Variants in GDA observed in about 807,000 individuals in gnomAD.
GDA encodes the protein cytoplasmic PSD-95 interactor.
GDA carries 18 observed loss-of-function variants against 59.6 expected under a neutral mutation model. That is an observed-to-expected ratio of 0.30 (90% CI 0.21 to 0.45). GDA has a LOEUF of 0.45. Ranked by LOEUF, GDA falls within the 20% of genes least tolerant of loss-of-function variation. The probability of loss-of-function intolerance (pLI) is 1.00; values close to 1 mark genes in which losing one functional copy is unlikely to be tolerated. For missense variants in GDA, 427 were observed against 552.3 expected (o/e 0.77, Z 2.27); for synonymous variants, 201 against 201.1 (o/e 1.00, Z 0.00).
intron 1 of GDA, among the ~76,000 whole-genome samples, chr9:72,126,231 T>C (rs1221737656): frequency 6.6e-6 from 1 of 152,160 alleles, no homozygotes. Context: ...GCAGACCCCT[T>C]GGAGTATTCT....
intron 13 of GDA, 128 bp from the exon 14 acceptor site, chr9:72,248,144 T>C: frequency 2.8e-6 from 2 of 704,206 alleles, no homozygotes; most frequent in East Asian, 2.5e-5. Context: ...AATCTGAGGG[T>C]TGGGGGAAAG....
intron 1 of GDA, among the ~76,000 whole-genome samples, chr9:72,176,091 A>G (rs944240867): frequency 6.6e-6 from 1 of 152,220 alleles, no homozygotes; most frequent in African/African-American, 2.4e-5. Context: ...AAGAGGTCCC[A>G]GGCAAGATGT....
intron 1 of GDA, among the ~76,000 whole-genome samples, chr9:72,187,210 C>A (rs564141208): frequency 6.6e-6 from 1 of 152,132 alleles, no homozygotes; most frequent in African/African-American, 2.4e-5. Context: ...GAATGTTTGT[C>A]CTCTCAGAAA....
At chr9:72,152,976 A>G (rs1468373975) in intron 1 of GDA, among the ~76,000 whole-genome samples, 1 of 152,190 alleles carries the variant, frequency 6.6e-6, no homozygotes, top group Non-Finnish European at 1.5e-5. Context: ...CATAAGGTGT[A>G]AGGAAGGGAT....
At chr9:72,116,022 T>A (rs1258637730) in intron 1 of GDA, among the ~76,000 whole-genome samples, 5 of 151,990 alleles carry the variant, frequency 3.3e-5, no homozygotes, top group Admixed American at 3.3e-4. Flanking sequence ...TCACCTGAGG[T>A]TGGGAGTTCG....
intron 3 of GDA, among the ~76,000 whole-genome samples, chr9:72,205,594 C>T (rs985701630): frequency 6.6e-6 from 1 of 152,194 alleles, no homozygotes; most frequent in African/African-American, 2.4e-5. Context: ...GGTATAGCAA[C>T]AGCTTGATTG....
At chr9:72,158,490 G>A (rs2130811645) in intron 1 of GDA, among the ~76,000 whole-genome samples, 1 of 152,104 alleles carries the variant, frequency 6.6e-6, no homozygotes, top group Admixed American at 6.5e-5. Context: ...CTACTCGGGA[G>A]GCTGAGGCAG....
Position 72,210,547 on chromosome 9 carries a change from T to C in GDA, c.385-140T>C, listed in dbSNP as rs979176933. ...ATATAAATACCTTTTGCCATTTACC[T>C]AACTGTACTCTACATCAAGATGGCA... is the stretch of plus-strand genomic sequence containing the variant. On this transcript the variant is annotated intron_variant, in intron 3 of 13. Transcript: ENST00000358399. 4 of 594,854 alleles carry C rather than the reference T, an allele frequency of 6.7e-6. No individual in the cohort carries two copies. The African/African-American group carries it at 7.5e-5, about 11-fold the overall frequency. The allele number at this position is 594,854 out of a possible 1,614,324, so 36.8% of individuals were successfully genotyped here. A position where few individuals can be genotyped will look rare whatever the true frequency, so the allele number is the denominator to read the frequency against.
chr9:72,214,721 CT>C (rs746360588), intron 5 of GDA: 15,303 of 278,392 alleles, frequency 0.055, no homozygotes, highest in South Asian at 0.1. Flanking sequence ...ATTCAAAGTT[CT>C]TTTTTTTTTT....
At chr9:72,185,062 G>A (rs376748307) in intron 1 of GDA, among the ~76,000 whole-genome samples, 191 of 152,300 alleles carry the variant, frequency 1.3e-3, no homozygotes, top group African/African-American at 4.4e-3. Context: ...TTCAGTTCCT[G>A]TAAATAAACT....
intron 2 of GDA, among the ~76,000 whole-genome samples, chr9:72,197,950 G>A (rs958269965): frequency 1.7e-4 from 26 of 152,262 alleles, no homozygotes; most frequent in Middle Eastern, 3.4e-3. Flanking sequence ...GAATCAGATG[G>A]TGGCCATGGA....
intron 1 of GDA, among the ~76,000 whole-genome samples, chr9:72,183,921 G>T (rs11143155): frequency 0.14 from 21,364 of 152,014 alleles, 2,029 homozygotes; most frequent in East Asian, 0.5. Context: ...TAAAGTTACC[G>T]TTTTTCCTTC....
At chr9:72,221,238 C>A (rs775795901) in intron 6 of GDA, among the ~76,000 whole-genome samples, 15 of 152,178 alleles carry the variant, frequency 9.9e-5, no homozygotes, top group Non-Finnish European at 1.6e-4. Flanking sequence ...TATCACCTCA[C>A]TTTTAGTCTC....
At chr9:72,116,950 A>G (rs1342781438) in intron 1 of GDA, among the ~76,000 whole-genome samples, 2 of 101,968 alleles carry the variant, frequency 2.0e-5, no homozygotes, top group Admixed American at 2.4e-4. Flanking sequence ...GACAGGCCCC[A>G]GTGTGTGATG....
chr9:72,240,042 A>G (rs1191871444), intron 10 of GDA, among the ~76,000 whole-genome samples: 1 of 152,184 alleles, frequency 6.6e-6, no homozygotes, highest in Non-Finnish European at 1.5e-5. Flanking sequence ...TTAATAAAAC[A>G]TACTAACTTA....
rs774026544 is a variant in GDA, at chr9:72,214,007, G to C, written c.578+16G>C. 1 of 1,296,710 alleles carries C rather than the reference G, an allele frequency of 7.7e-7. No individual in the cohort carries two copies. Among genetic ancestry groups the C allele is most frequent in the African/African-American group, 1.5e-5 (1 of 68,892 alleles). The allele number at this position is 1,296,710 out of a possible 1,614,324, so 80.3% of individuals were successfully genotyped here. ...AAACTGAGAGGTAAAAGGCCCATTT[G>C]TCTTGATTTGTCTTACAGGTGAATT... On this transcript the variant is annotated intron_variant, in intron 5 of 13. Transcript: ENST00000358399.
intron 2 of GDA, among the ~76,000 whole-genome samples, chr9:72,196,590 T>C (rs1177466911): frequency 1.3e-5 from 2 of 152,188 alleles, no homozygotes; most frequent in Non-Finnish European, 2.9e-5. Flanking sequence ...TTTTGTTTAT[T>C]TTACTTTAAG....
rs911312483 is a variant in GDA at position 72,241,036 on chromosome 9, C to CT, written c.989-111dup. 7.9e-5 allele frequency: 50 copies of CT among 631,384 alleles called. No homozygotes were observed. The Middle Eastern group carries it at 1.7e-3, about 21-fold the overall frequency. 39.1% of individuals were successfully genotyped at this position (631,384 alleles called of 1,614,324 possible). On this transcript the variant is annotated intron_variant, in intron 10 of 13. Coordinates refer to ENST00000358399, the MANE Select transcript of GDA (RefSeq NM_004293.5). ...ACTATCTTGTGTTTATAGTTAAGAG[C>CT]TTTTTAAAAAAAGTATATTAAGGAC... is the stretch of plus-strand genomic sequence containing the variant.
chr9:72,232,034 T>A (rs1304281555), intron 10 of GDA, among the ~76,000 whole-genome samples: 1 of 152,238 alleles, frequency 6.6e-6, no homozygotes, highest in Non-Finnish European at 1.5e-5. Context: ...TCACAGTACA[T>A]TTTAATTGTG....
Sources: gnomAD v4.1 joint callset for allele counts (sites outside exome capture counted in the v4.1 genomes callset) on GRCh38, gnomAD v4.1.1 for gene constraint, MANE v1.5 for transcripts, NCBI Gene and HGNC (gene_info 2026-07-23, HGNC 2026-07-21) for gene names.